Variants in SHISA9 observed in about 807,000 individuals in gnomAD.
SHISA9 encodes shisa family member 9, also known as protein shisa-9.
Under a neutral mutation model 38.0 loss-of-function variants are expected in SHISA9, and 13 were observed. The observed-to-expected ratio is 0.34, with a 90% CI of 0.22 to 0.54. SHISA9 has a LOEUF of 0.54. SHISA9 is among the 20% of genes least tolerant of loss of function. The pLI is 0.91. For synonymous variants in SHISA9, 275 were observed against 242.0 expected (o/e 1.14, Z -1.27); for missense variants, 538 against 575.8 (o/e 0.93, Z 0.67).
At chr16:13,064,298 C>G (rs1346959240) in intron 2 of SHISA9, among the ~76,000 whole-genome samples, 1 of 152,114 alleles carries the variant, frequency 6.6e-6, no homozygotes, top group Non-Finnish European at 1.5e-5. Flanking sequence ...TTTTATAGAT[C>G]CTGGAGATAC....
chr16:13,205,872 C>T (rs990855759), intron 3 of SHISA9, among the ~76,000 whole-genome samples: 1 of 152,062 alleles, frequency 6.6e-6, no homozygotes, highest in African/African-American at 2.4e-5. Flanking sequence ...AGTGATTCTC[C>T]TGCCTCAGCC....
chr16:12,909,471 C>T, intron 1 of SHISA9: 1 of 985,394 alleles, frequency 1.0e-6, no homozygotes, highest in Non-Finnish European at 1.2e-6. Context: ...GATACCGGGA[C>T]TCTGAGTTCT....
At chr16:13,131,782 C>A (rs558112439) in intron 2 of SHISA9, among the ~76,000 whole-genome samples, 1 of 152,274 alleles carries the variant, frequency 6.6e-6, no homozygotes, top group South Asian at 2.1e-4. Flanking sequence ...AAGGAACTTG[C>A]CTGAAGCCTC....
At chr16:13,287,942 T>C in the SHISA9 span, among the ~76,000 whole-genome samples, 1 of 151,808 alleles carries the variant, frequency 6.6e-6, no homozygotes, top group Non-Finnish European at 1.5e-5. Context: ...CGCTAATGGG[T>C]GAATACAGGT....
At chr16:12,959,702 G>A (rs1192320435) in intron 2 of SHISA9, among the ~76,000 whole-genome samples, 1 of 152,162 alleles carries the variant, frequency 6.6e-6, no homozygotes, top group African/African-American at 2.4e-5. Flanking sequence ...GGCCCCTAGG[G>A]TGGGGGTTGA....
chr16:13,242,580 G>T (rs1302201791), downstream of SHISA9, among the ~76,000 whole-genome samples: 2 of 152,196 alleles, frequency 1.3e-5, no homozygotes, highest in Admixed American at 6.5e-5. Context: ...CTATAATGAA[G>T]AGAAGACTGA....
intron 2 of SHISA9, among the ~76,000 whole-genome samples, chr16:13,063,929 C>G (rs1397085717): frequency 2.0e-5 from 3 of 152,224 alleles, no homozygotes; most frequent in African/African-American, 7.2e-5. Context: ...ACTCCCACAC[C>G]AGCCCTTGGC....
chr16:13,149,534 T>C (rs564003992), intron 2 of SHISA9, among the ~76,000 whole-genome samples: 5 of 152,274 alleles, frequency 3.3e-5, no homozygotes, highest in African/African-American at 1.2e-4. Context: ...ACCTCATCTA[T>C]TAGCTCTACT....
At chr16:13,459,671 C>T in the SHISA9 span, among the ~76,000 whole-genome samples, 1 of 152,148 alleles carries the variant, frequency 6.6e-6, no homozygotes, top group Admixed American at 6.5e-5. Context: ...TTTCTGTTCA[C>T]CTTTTCCAGC....
chr16:13,348,516 A>G, the SHISA9 span, among the ~76,000 whole-genome samples: 3 of 151,854 alleles, frequency 2.0e-5, no homozygotes. Context: ...TAATTTGCCT[A>G]AGAACAGCTG....
chr16:13,108,795 A>G (rs2073950478), intron 2 of SHISA9, among the ~76,000 whole-genome samples: 1 of 152,236 alleles, frequency 6.6e-6, no homozygotes, highest in Admixed American at 6.5e-5. Flanking sequence ...AAAAGCCCAC[A>G]TCACAACCAA....
At chr16:13,281,319 TA>T in the SHISA9 span, among the ~76,000 whole-genome samples, 3 of 151,842 alleles carry the variant, frequency 2.0e-5, no homozygotes, top group African/African-American at 4.8e-5. Flanking sequence ...GGTTTCTTAT[TA>T]ATATGTTTTT....
At chr16:13,166,650 G>T (rs909279687) in intron 2 of SHISA9, among the ~76,000 whole-genome samples, 1 of 152,058 alleles carries the variant, frequency 6.6e-6, no homozygotes, top group Non-Finnish European at 1.5e-5. Flanking sequence ...TGTCTGTTTT[G>T]TCTACGGTGT....
the SHISA9 span, among the ~76,000 whole-genome samples, chr16:13,306,130 A>G: frequency 6.6e-6 from 1 of 152,212 alleles, no homozygotes; most frequent in Non-Finnish European, 1.5e-5. Flanking sequence ...GATGCTGCAA[A>G]CTATGTTTTT....
At chr16:13,146,182 AG>A (rs1369414944) in intron 2 of SHISA9, among the ~76,000 whole-genome samples, 1 of 152,190 alleles carries the variant, frequency 6.6e-6, no homozygotes, top group African/African-American at 2.4e-5. Context: ...AGAGTGAGTG[AG>A]ACTCCGTCTC....
chr16:13,534,224 CTTT>C, the SHISA9 span, among the ~76,000 whole-genome samples: 6 of 125,804 alleles, frequency 4.8e-5, no homozygotes, highest in African/African-American at 6.0e-5. Context: ...CACCATTTCA[CTTT>C]TTTTTTTTTT....
chr16:13,056,586 A>G (rs1319498834), intron 2 of SHISA9, among the ~76,000 whole-genome samples: 1 of 152,120 alleles, frequency 6.6e-6, no homozygotes, highest in East Asian at 1.9e-4. Flanking sequence ...AAATAGCATG[A>G]CTCTGGGCCA....
the SHISA9 span, among the ~76,000 whole-genome samples, chr16:13,479,538 A>C: frequency 6.6e-6 from 1 of 152,198 alleles, no homozygotes; most frequent in Admixed American, 6.5e-5. Flanking sequence ...GGTAATCTGC[A>C]ATCACCTGCA....
intron 2 of SHISA9, among the ~76,000 whole-genome samples, chr16:12,941,811 A>C (rs1030892394): frequency 1.9e-4 from 29 of 152,184 alleles, no homozygotes; most frequent in Non-Finnish European, 8.8e-5. Flanking sequence ...AGATCGTGCC[A>C]CTGGACTCCA....
Sources: allele counts gnomAD v4.1 joint callset (sites outside exome capture counted in the v4.1 genomes callset), GRCh38; gene constraint gnomAD v4.1.1; transcripts MANE v1.5; gene names NCBI Gene and HGNC (gene_info 2026-07-23, HGNC 2026-07-21).